Variants in FILIP1L observed in about 807,000 individuals in gnomAD.
FILIP1L encodes filamin A interacting protein 1 like.
In FILIP1L, 55 loss-of-function variants were observed where a neutral mutation model predicts 96.6. The ratio of observed to expected loss-of-function variants is 0.57; its 90% CI spans 0.46 to 0.71. The LOEUF (loss-of-function observed/expected upper bound fraction) is 0.71. Ranked by LOEUF, FILIP1L falls within the 30% of genes least tolerant of loss-of-function variation. The pLI is 0.00. For missense variants in FILIP1L, 1,304 were observed against 1,321.2 expected, an observed-to-expected ratio of 0.99 and a Z score of 0.20; for synonymous variants, 467 against 473.9, an observed-to-expected ratio of 0.99 and a Z score of 0.19.
intron 4 of FILIP1L, among the ~76,000 whole-genome samples, chr3:99,914,314 C>G (rs1203513366): frequency 1.3e-5 from 2 of 152,102 alleles, no homozygotes; most frequent in East Asian, 1.9e-4. Context: ...ACCAGTGATG[C>G]TAGGCCATGA....
At chr3:99,924,574 A>G (rs745941088) in intron 3 of FILIP1L, among the ~76,000 whole-genome samples, 166 bp from the exon 4 acceptor site, 1 of 152,134 alleles carries the variant, frequency 6.6e-6, no homozygotes, top group Non-Finnish European at 1.5e-5. Context: ...GCTGGAGTGC[A>G]ATGGCGCGAT....
At chr3:100,020,354 G>C (rs975218374) in intron 1 of FILIP1L, among the ~76,000 whole-genome samples, 1 of 152,226 alleles carries the variant, frequency 6.6e-6, no homozygotes, top group Non-Finnish European at 1.5e-5. Context: ...ACAACCAGAA[G>C]TTGCAAGTTC....
At chr3:99,915,053 T>G (rs576561333) in intron 4 of FILIP1L, among the ~76,000 whole-genome samples, 12 of 152,334 alleles carry the variant, frequency 7.9e-5, no homozygotes, top group Admixed American at 7.8e-4. Flanking sequence ...GGATCATTTT[T>G]TTTCTTCTAG....
intron 1 of FILIP1L, among the ~76,000 whole-genome samples, chr3:100,000,690 G>A (rs1345088957): frequency 6.6e-6 from 1 of 152,162 alleles, no homozygotes; most frequent in East Asian, 1.9e-4. Flanking sequence ...ACTCCAACCT[G>A]GGCGATAGCG....
At chr3:99,853,197 TAAAA>T (rs947652735) in intron 4 of FILIP1L, among the ~76,000 whole-genome samples, 1 of 152,074 alleles carries the variant, frequency 6.6e-6, no homozygotes, top group South Asian at 2.1e-4. Flanking sequence ...GTGAAATAGT[TAAAA>T]AAAACTTTGG....
intron 1 of FILIP1L, among the ~76,000 whole-genome samples, chr3:100,029,944 G>A (rs2064995664): frequency 1.3e-5 from 2 of 152,148 alleles, no homozygotes; most frequent in Non-Finnish European, 2.9e-5. Context: ...CAGCCCAGGT[G>A]TGACATGAGT....
intron 1 of FILIP1L, among the ~76,000 whole-genome samples, chr3:99,952,870 T>A (rs1708216851): frequency 1.3e-5 from 2 of 152,194 alleles, no homozygotes; most frequent in Admixed American, 1.3e-4. Context: ...ATTGTTTTTC[T>A]GCATAATGAA....
rs188885517 is a variant in FILIP1L at position 99,916,612 on chromosome 3, A to G, written c.605+7618T>C. On this transcript the variant is annotated intron_variant, in intron 4 of 5. Transcript: ENST00000477258. ...ATTAGTAATCACAGGAACCTATGAG[A>G]TCTCTATCATTTTTTAAACAGATGG... Among the ~76,000 whole-genome samples, 346 of 152,132 alleles carry G rather than the reference A, an allele frequency of 2.3e-3. 10 individuals are homozygous for G. The highest frequency in any genetic ancestry group is 0.021 in the Admixed American group (321 of 15,288).
intron 1 of FILIP1L, among the ~76,000 whole-genome samples, chr3:100,042,585 G>GGT: frequency 6.6e-6 from 1 of 152,158 alleles, no homozygotes; most frequent in South Asian, 2.1e-4. Flanking sequence ...GTATGGTTCA[G>GGT]ACATTGTTAA....
intron 1 of FILIP1L, among the ~76,000 whole-genome samples, chr3:100,055,605 T>C (rs892619728): frequency 1.2e-4 from 18 of 152,246 alleles, no homozygotes; most frequent in African/African-American, 4.3e-4. Context: ...TACCCATTGC[T>C]ATACCACCTA....
intron 4 of FILIP1L, among the ~76,000 whole-genome samples, chr3:99,917,412 C>T (rs1288439098): frequency 6.6e-6 from 1 of 152,144 alleles, no homozygotes; most frequent in African/African-American, 2.4e-5. Context: ...AGGAATGATT[C>T]TAGGGATATT....
chr3:100,094,674 C>CTTT lies in FILIP1L; in HGVS notation c.-11+19376_-11+19378dup, dbSNP rs71132509. Among the ~76,000 whole-genome samples the CTTT allele has an allele frequency of 1.2e-4, 7 of 57,014 alleles. 1 individual carries two copies. Among genetic ancestry groups the CTTT allele is most frequent in the South Asian group, 7.7e-4 (1 of 1,306 alleles). The allele number at this position is 57,014 out of a possible 152,430, so 37.4% of individuals were successfully genotyped here. A position where few individuals can be genotyped will look rare whatever the true frequency, so the allele number is the denominator to read the frequency against. ...CAGCACCATTTGTTGGAAAAGCTGCCTTTTTTTTTTTTTTTTTTTTTTTTT... is the reference window on the plus strand; with the variant it reads ...CAGCACCATTTGTTGGAAAAGCTGCCTTTTTTTTTTTTTTTTTTTTTTTTTTTT... On this transcript the variant is annotated intron_variant, in intron 1 of 5. Transcript: ENST00000477258.
chr3:99,918,415 T>C (rs1354888568), intron 4 of FILIP1L, among the ~76,000 whole-genome samples: 1 of 152,210 alleles, frequency 6.6e-6, no homozygotes, highest in African/African-American at 2.4e-5. Context: ...CTTGTTAATG[T>C]TTTCTTTTTA....
At chr3:99,887,471 A>T (rs1576548963) in intron 4 of FILIP1L, among the ~76,000 whole-genome samples, 1 of 152,182 alleles carries the variant, frequency 6.6e-6, no homozygotes, top group Non-Finnish European at 1.5e-5. Context: ...GGTGGCTATC[A>T]CAGCCATGAC....
At chr3:100,014,030 T>G (rs113684293) in intron 1 of FILIP1L, among the ~76,000 whole-genome samples, 1 of 152,006 alleles carries the variant, frequency 6.6e-6, no homozygotes, top group Non-Finnish European at 1.5e-5. Context: ...CTGCTATGAA[T>G]TTGATTTTTT....
intron 1 of FILIP1L, among the ~76,000 whole-genome samples, chr3:100,069,249 C>A (rs1041084981): frequency 1.3e-5 from 2 of 152,048 alleles, no homozygotes; most frequent in African/African-American, 4.8e-5. Context: ...TAGTTGCATT[C>A]TTTCTATCAT....
At chr3:99,891,528 A>G (rs1027721412) in intron 4 of FILIP1L, among the ~76,000 whole-genome samples, 1 of 151,972 alleles carries the variant, frequency 6.6e-6, no homozygotes, top group Non-Finnish European at 1.5e-5. Context: ...GAAATATTGT[A>G]TATATTTTAT....
chr3:99,929,763 T>C (rs1306764120), intron 3 of FILIP1L, 93 bp downstream of exon 3: 1 of 901,640 alleles, frequency 1.1e-6, no homozygotes, highest in Non-Finnish European at 1.6e-6. Context: ...AAAGTAAAAC[T>C]GTAAGGAATC....
At position 99,929,923 on chromosome 3, in the gene FILIP1L, T is replaced by G; in HGVS notation, c.359A>C (p.Gln120Pro). ...VTPKKVLEAL[Q>P]RDAFQAKSTP... The stretch of plus-strand genomic sequence containing the variant: ...AGATTTCGCTTGAAAAGCATCTCTC[T>G]GGAGAGCCTCTAACACCTTTTTTGG... The change falls in exon 3 of 6, where the codon CAG (glutamine) becomes CCG (proline). Residue 120 changes from glutamine (Q) to proline (P), a missense_variant. Coordinates refer to ENST00000477258, the MANE Select transcript of FILIP1L (RefSeq NM_001387850.1). 6.2e-7 allele frequency: 1 copy of G among 1,613,936 alleles called. No homozygotes were observed. Among genetic ancestry groups the G allele is most frequent in the Non-Finnish European group, 8.5e-7 (1 of 1,179,948 alleles).
Sources: allele counts gnomAD v4.1 joint callset (sites outside exome capture counted in the v4.1 genomes callset), GRCh38; gene constraint gnomAD v4.1.1; transcripts MANE v1.5; gene names NCBI Gene and HGNC (gene_info 2026-07-23, HGNC 2026-07-21).